The following FRMD4A variants were observed in gnomAD, a reference collection of about 807,000 sequenced individuals.
FRMD4A encodes the protein FERM domain containing 4A.
In FRMD4A, 29 loss-of-function variants were observed where a neutral mutation model predicts 129.1. The ratio of observed to expected loss-of-function variants is 0.22; its 90% CI spans 0.17 to 0.31. The LOEUF is 0.31. Ranked by LOEUF, FRMD4A falls within the 10% of genes least tolerant of loss-of-function variation. The probability of loss-of-function intolerance (pLI) is 1.00; values close to 1 mark genes in which losing one functional copy is unlikely to be tolerated. For synonymous variants in FRMD4A, 634 were observed against 571.6 expected, an observed-to-expected ratio of 1.11 and a Z score of -1.56; for missense variants, 1,272 against 1,375.8, an observed-to-expected ratio of 0.92 and a Z score of 1.19.
intron 12 of FRMD4A, among the ~76,000 whole-genome samples, chr10:13,724,387 C>CG (rs2089720620): frequency 6.9e-6 from 1 of 145,240 alleles, no homozygotes; most frequent in Non-Finnish European, 1.5e-5. Flanking sequence ...GACTCTGTCT[C>CG]AAAAAAAAAA....
At chr10:13,689,317 T>C (rs1589386734) in intron 15 of FRMD4A, among the ~76,000 whole-genome samples, 1 of 149,062 alleles carries the variant, frequency 6.7e-6, no homozygotes, top group South Asian at 2.2e-4. Context: ...TGTTGTGACA[T>C]GGCTCAGACA....
At chr10:13,782,751 A>C (rs908530616) in intron 6 of FRMD4A, among the ~76,000 whole-genome samples, 171 bp downstream of exon 6, 5 of 152,182 alleles carry the variant, frequency 3.3e-5, no homozygotes, top group African/African-American at 1.2e-4. Flanking sequence ...CAGGAATCAC[A>C]TTATTAAATG....
Position 13,782,928 on chromosome 10 carries a change from G to A in FRMD4A, c.378C>T (p.Ile126=). 7.3e-7 allele frequency: 1 copy of A among 1,371,848 alleles called. No homozygotes were observed. Among genetic ancestry groups the A allele is most frequent in the African/African-American group, 1.4e-5 (1 of 70,244 alleles). The allele number at this position is 1,371,848 out of a possible 1,614,324, so 85.0% of individuals were successfully genotyped here. A position where few individuals can be genotyped will look rare whatever the true frequency, so the allele number is the denominator to read the frequency against. The change falls in exon 6 of 25, where the codon ATC becomes ATT. Residue 126 remains isoleucine (I), a synonymous_variant. Coordinates refer to ENST00000357447, the MANE Select transcript of FRMD4A (RefSeq NM_018027.5). ...ELFFLNAKSC[I]YKELIDVDSE... is the part of the protein sequence containing the mutation. ...AGGGAGAGGGAGTTCCTACCTTGTA[G>A]ATGCAGGACTTCGCGTTCAGAAAGA...
chr10:14,292,123 T>C (rs1321883968), intron 2 of FRMD4A, among the ~76,000 whole-genome samples: 1 of 152,226 alleles, frequency 6.6e-6, no homozygotes, highest in African/African-American at 2.4e-5. Flanking sequence ...AAGTAATCCA[T>C]GTATTCAATG....
At chr10:14,243,450 C>T (rs11591961) in intron 2 of FRMD4A, among the ~76,000 whole-genome samples, 8,218 of 152,216 alleles carry the variant, frequency 0.054, 280 homozygotes, top group South Asian at 0.18. Context: ...CCCAGTCATG[C>T]GGAACTGTGA....
At chr10:14,275,970 G>A (rs1480999893) in intron 2 of FRMD4A, among the ~76,000 whole-genome samples, 1 of 152,146 alleles carries the variant, frequency 6.6e-6, no homozygotes, top group African/African-American at 2.4e-5. Context: ...GTCTGGAGGT[G>A]GAGGCTTCAG....
chr10:13,720,920 G>A (rs560462335), intron 12 of FRMD4A, among the ~76,000 whole-genome samples: 2 of 152,344 alleles, frequency 1.3e-5, no homozygotes, highest in South Asian at 4.1e-4. Context: ...ACTAATGTGT[G>A]CTGCAACAGG....
intron 2 of FRMD4A, among the ~76,000 whole-genome samples, chr10:14,050,935 A>G (rs1427663330): frequency 6.6e-6 from 1 of 152,212 alleles, no homozygotes; most frequent in Non-Finnish European, 1.5e-5. Flanking sequence ...ATTCTAGCAA[A>G]TGACTGAAAC....
chr10:14,291,336 G>A (rs1845845012), intron 2 of FRMD4A, among the ~76,000 whole-genome samples: 2 of 152,098 alleles, frequency 1.3e-5, no homozygotes, highest in South Asian at 4.1e-4. Flanking sequence ...AAATCAGGTA[G>A]CCTGACAACA....
chr10:13,698,329 A>G (rs1047301363), intron 14 of FRMD4A, among the ~76,000 whole-genome samples: 3 of 152,156 alleles, frequency 2.0e-5, no homozygotes, highest in Non-Finnish European at 4.4e-5. Flanking sequence ...GGCATGTCCC[A>G]GTACAGTAGA....
rs775326943 is a variant in FRMD4A at position 13,660,353 on chromosome 10, C to T, written c.1861G>A (p.Glu621Lys). 1.2e-6 allele frequency: 2 copies of T among 1,614,078 alleles called. No homozygotes were observed. The highest frequency in any genetic ancestry group is 1.7e-6 in the Non-Finnish European group (2 of 1,179,942). Residue 621 changes from glutamate (E) to lysine (K), a missense_variant, in exon 20 of 25, where the codon GAG becomes AAG. By Grantham distance (56) the Glu-to-Lys change is moderately conservative. Transcript: ENST00000357447. ...WSESSLDEPY[E>K]KVKKRSSHSH... ...TGAGAGGAGCGCTTCTTGACCTTCT[C>T]ATAGGGTTCATCTAAAGAGGACTCA...
Position 14,247,054 on chromosome 10 carries a change from C to T in FRMD4A, c.45+83004G>A, listed in dbSNP as rs528759444. Among the ~76,000 whole-genome samples the T allele has an allele frequency of 3.3e-5, 5 of 152,256 alleles. No homozygotes were observed. The South Asian group carries it at 8.3e-4, about 25-fold the overall frequency. Reference sequence around the variant, plus strand: ...AAGATGACCTAGATAGTTCACTTCCCTTTCTGTACAGGTGGGACTCGCAAG... The same window carrying T: ...AAGATGACCTAGATAGTTCACTTCCTTTTCTGTACAGGTGGGACTCGCAAG... On this transcript the variant is annotated intron_variant, in intron 2 of 24. Transcript: ENST00000357447.
In FRMD4A at chr10:13,684,932, A is replaced by G. The variant is rs918940190; in HGVS notation, c.1117+8966T>C. On this transcript the variant is annotated intron_variant, in intron 15 of 24. Coordinates refer to ENST00000357447, the MANE Select transcript of FRMD4A (RefSeq NM_018027.5). ...CAGCAGATCAGTAAAAGCTGTAAGG[A>G]AAAGTTTTGGCAGACATCCCAGGAA... 11 of 985,144 alleles carry G rather than the reference A, an allele frequency of 1.1e-5. No individual in the cohort carries two copies. In the African/African-American group the frequency reaches 1.6e-4, roughly 14 times the overall value. 61.0% of individuals were successfully genotyped at this position (985,144 alleles called of 1,614,324 possible). A position where few individuals can be genotyped will look rare whatever the true frequency, so the allele number is the denominator to read the frequency against.
intron 2 of FRMD4A, among the ~76,000 whole-genome samples, chr10:13,974,047 G>A (rs61837399): frequency 0.34 from 47,486 of 138,804 alleles, 8,601 homozygotes; most frequent in East Asian, 0.59. Context: ...TTTCTTTCTG[G>A]GACAGAGTCT....
intron 5 of FRMD4A, among the ~76,000 whole-genome samples, chr10:13,788,707 A>G (rs1048407753): frequency 6.6e-6 from 1 of 152,244 alleles, no homozygotes; most frequent in African/African-American, 2.4e-5. Flanking sequence ...AAACTAGCTC[A>G]GATGATCCCG....
At chr10:13,747,353 A>T (rs1045624243) in intron 9 of FRMD4A, among the ~76,000 whole-genome samples, 1 of 151,776 alleles carries the variant, frequency 6.6e-6, no homozygotes, top group Non-Finnish European at 1.5e-5. Context: ...CCTGGCCAAC[A>T]TGGTGAAACC....
intron 2 of FRMD4A, among the ~76,000 whole-genome samples, chr10:13,913,880 T>C (rs1268965678): frequency 6.6e-6 from 1 of 152,218 alleles, no homozygotes; most frequent in African/African-American, 2.4e-5. Context: ...GTACATAGAC[T>C]ATCAGGCGGA....
chr10:13,741,403 A>G (rs1381408507), intron 9 of FRMD4A, among the ~76,000 whole-genome samples: 2 of 151,980 alleles, frequency 1.3e-5, no homozygotes, highest in African/African-American at 2.4e-5. Context: ...GTGAGCTACA[A>G]TTGCACCACT....
chr10:14,036,190 T>G lies in FRMD4A; in HGVS notation c.46-177278A>C, dbSNP rs190082826. Among the ~76,000 whole-genome samples, 8 of 152,336 alleles carry G rather than the reference T, an allele frequency of 5.3e-5. No individual in the cohort carries two copies. In the East Asian group the frequency reaches 1.5e-3, roughly 29 times the overall value. ...GGCGATCATTCCTGGCACATTCCAA[T>G]TGCACACTTCTGGTGGTGACCTCGG... On this transcript the variant is annotated intron_variant, in intron 2 of 24. Coordinates refer to ENST00000357447, the MANE Select transcript of FRMD4A (RefSeq NM_018027.5).
Sources: allele counts gnomAD v4.1 joint callset (sites outside exome capture counted in the v4.1 genomes callset), GRCh38; gene constraint gnomAD v4.1.1; transcripts MANE v1.5; gene names NCBI Gene and HGNC (gene_info 2026-07-23, HGNC 2026-07-21).